The following MOSPD2 variants were observed in gnomAD, a reference collection of about 807,000 sequenced individuals.
MOSPD2 encodes the protein motile sperm domain containing 2, also known as motile sperm domain-containing protein 2.
Under a neutral mutation model 41.7 loss-of-function variants are expected in MOSPD2, and 5 were observed. The observed-to-expected ratio is 0.12, with a 90% CI of 0.06 to 0.25. The LOEUF is 0.25. MOSPD2 is among the 10% of genes least tolerant of loss of function. MOSPD2 has a pLI of 1.00. For synonymous variants in MOSPD2, 115 were observed against 126.9 expected (o/e 0.91, Z 0.63); for missense variants, 282 against 375.2 (o/e 0.75, Z 2.05).
rs748851008 is a variant in MOSPD2 at position 14,895,360 on chromosome X, T to C, written c.288T>C (p.Tyr96=). Residue 96 remains tyrosine (Y), a synonymous_variant, in exon 4 of 15, where the codon TAT becomes TAC. Transcript: ENST00000380492. Reference sequence around the variant, plus strand: ...GGTTATTGGAAATTGGTGTTATTTATCTCCATGGTTATGACAAAGAAGGTA... The same window carrying C: ...GGTTATTGGAAATTGGTGTTATTTACCTCCATGGTTATGACAAAGAAGGTA... ...PRWLLEIGVI[Y]LHGYDKEGNK... is the part of the protein sequence containing the mutation. 9.5e-6 allele frequency: 11 copies of C among 1,156,848 alleles called. No homozygotes were observed. In the Admixed American group the frequency reaches 1.8e-4, roughly 19 times the overall value.
intron 2 of MOSPD2, 64 bp downstream of exon 2, chrX:14,873,822 G>T (rs770175076): frequency 1.8e-4 from 169 of 929,886 alleles, no homozygotes; most frequent in Non-Finnish European, 2.4e-4. Flanking sequence ...TTGCTGGAGT[G>T]TTTGTGAGTG....
chrX:14,912,567 AG>A (rs1335078972), intron 10 of MOSPD2, among the ~76,000 whole-genome samples: 3 of 111,786 alleles, frequency 2.7e-5, no homozygotes, highest in African/African-American at 9.8e-5. Flanking sequence ...GTGTCTTTAA[AG>A]GGTTCTCATC....
At position 14,919,666 on chromosome X, in the gene MOSPD2, C is replaced by G. The variant is rs1294011160; in HGVS notation, c.1420-6C>G. The G allele has an allele frequency of 8.4e-7, 1 of 1,189,511 alleles. No individual in the cohort carries two copies. The highest frequency in any genetic ancestry group is 1.1e-6 in the Non-Finnish European group (1 of 879,102). On this transcript the variant is annotated splice_polypyrimidine_tract_variant and splice_region_variant and intron_variant, in intron 14 of 14. Coordinates refer to ENST00000380492, the MANE Select transcript of MOSPD2 (RefSeq NM_152581.4). ...ATAAATCTTTCATCCCCTCTTCCCTCTTCAGCTCAGTCGTTTACTAGAAAG... is the reference window on the plus strand; with the variant it reads ...ATAAATCTTTCATCCCCTCTTCCCTGTTCAGCTCAGTCGTTTACTAGAAAG...
At chrX:14,899,295 G>A (rs1297605069) in intron 5 of MOSPD2, among the ~76,000 whole-genome samples, 1 of 108,139 alleles carries the variant, frequency 9.2e-6, no homozygotes, top group Non-Finnish European at 1.9e-5. Flanking sequence ...AGTAACTCAC[G>A]ATTTTACGAA....
At chrX:14,910,172 A>G (rs2147500494) in intron 8 of MOSPD2, among the ~76,000 whole-genome samples, 1 of 110,681 alleles carries the variant, frequency 9.0e-6, no homozygotes, top group South Asian at 3.8e-4. Context: ...TAATACATAT[A>G]CATGATTTTT....
intron 2 of MOSPD2, among the ~76,000 whole-genome samples, chrX:14,881,947 G>A (rs1038815559): frequency 9.1e-6 from 1 of 110,160 alleles, no homozygotes; most frequent in African/African-American, 3.3e-5. Flanking sequence ...TCACTCATAG[G>A]TGGGAATTGA....
At chrX:14,880,412 ACCACC>A (rs1270857345) in intron 2 of MOSPD2, among the ~76,000 whole-genome samples, 1 of 111,662 alleles carries the variant, frequency 9.0e-6, no homozygotes, top group Non-Finnish European at 1.9e-5. Flanking sequence ...GTACATAATA[ACCACC>A]TTGAAATATT....
At chrX:14,877,136 G>A (rs1428147321) in intron 2 of MOSPD2, among the ~76,000 whole-genome samples, 1 of 111,555 alleles carries the variant, frequency 9.0e-6, no homozygotes, top group Admixed American at 9.4e-5. Context: ...AGAGAGCCTT[G>A]GGCACCAGAG....
intron 3 of MOSPD2, chrX:14,893,274 A>T (rs1351333974): frequency 8.6e-6 from 1 of 116,185 alleles, no homozygotes; most frequent in African/African-American, 3.2e-5. Context: ...TAATAGGTTA[A>T]TAGGTACGCC....
At chrX:14,916,792 C>A in intron 13 of MOSPD2, among the ~76,000 whole-genome samples, 1 of 111,584 alleles carries the variant, frequency 9.0e-6, no homozygotes, top group East Asian at 2.8e-4. Flanking sequence ...TTTTAGAAAA[C>A]AAATCTAGTG....
Position 14,888,560 on chromosome X carries a change from T to G in MOSPD2, c.80-4163T>G, listed in dbSNP as rs1458425350. ...AGGCCTCCCTAGCCATGTGGAACTGTAAGTCCATTAAACCTCTTTTTCTTT... is the reference window on the plus strand; with the variant it reads ...AGGCCTCCCTAGCCATGTGGAACTGGAAGTCCATTAAACCTCTTTTTCTTT... On this transcript the variant is annotated intron_variant, in intron 2 of 14. Coordinates refer to ENST00000380492, the MANE Select transcript of MOSPD2 (RefSeq NM_152581.4). Among the ~76,000 whole-genome samples, 4 of 111,434 alleles carry G rather than the reference T, an allele frequency of 3.6e-5. No individual in the cohort carries two copies. The Admixed American group carries it at 3.8e-4, about 11-fold the overall frequency.
At chrX:14,895,256 T>C in intron 3 of MOSPD2, 52 bp from the exon 4 acceptor site, 1 of 709,341 alleles carries the variant, frequency 1.4e-6, no homozygotes, top group East Asian at 3.2e-5. Context: ...TTATGAGTTT[T>C]ATTTTTAAAC....
intron 2 of MOSPD2, among the ~76,000 whole-genome samples, chrX:14,882,258 C>G (rs907278713): frequency 3.6e-5 from 4 of 111,164 alleles, no homozygotes; most frequent in African/African-American, 1.3e-4. Context: ...CACATGATCT[C>G]ACATAAATGT....
At chrX:14,895,991 G>A (rs961565244) in intron 4 of MOSPD2, among the ~76,000 whole-genome samples, 4 of 111,180 alleles carry the variant, frequency 3.6e-5, no homozygotes, top group East Asian at 2.8e-4. Flanking sequence ...CATGTGGTCC[G>A]TCTCTGAGCA....
At chrX:14,910,443 A>C (rs898315854) in intron 8 of MOSPD2, among the ~76,000 whole-genome samples, 3 of 111,799 alleles carry the variant, frequency 2.7e-5, no homozygotes, top group African/African-American at 9.8e-5. Context: ...TTTAAACCAA[A>C]ATATTCCACT....
intron 7 of MOSPD2, among the ~76,000 whole-genome samples, chrX:14,906,510 G>A (rs1473659214): frequency 9.1e-6 from 1 of 110,127 alleles, no homozygotes; most frequent in Non-Finnish European, 1.9e-5. Flanking sequence ...AAATCCTTGT[G>A]CTTGGATTGG....
chrX:14,914,371 A>T (rs751342765), intron 10 of MOSPD2, 132 bp from the exon 11 acceptor site: 1 of 414,561 alleles, frequency 2.4e-6, no homozygotes, highest in East Asian at 4.5e-5. Context: ...TTGTTTTGTA[A>T]GTCTTTTTTG....
In MOSPD2 at chrX:14,919,961, T is replaced by G. The variant is rs781365188; in HGVS notation, c.*152T>G. On this transcript the variant is annotated 3_prime_UTR_variant, in exon 15 of 15. Coordinates refer to ENST00000380492, the MANE Select transcript of MOSPD2 (RefSeq NM_152581.4). Reference sequence around the variant, plus strand: ...CGTGGAGGGGAACACATACATGTCTTGAAAATAAACTGCTAGAATAAAGAA... The same window carrying G: ...CGTGGAGGGGAACACATACATGTCTGGAAAATAAACTGCTAGAATAAAGAA... 168 of 1,022,560 alleles carry G rather than the reference T, an allele frequency of 1.6e-4. No homozygotes were observed. The highest frequency in any genetic ancestry group is 2.1e-4 in the Non-Finnish European group (167 of 805,266). 84.3% of individuals were successfully genotyped at this position (1,022,560 alleles called of 1,213,427 possible).
In MOSPD2 at chrX:14,920,922, G is replaced by A. The variant is rs1309857478; in HGVS notation, c.*1113G>A. ...ACAGACGCCCAGGTGTCAGCTCTCC[G>A]TTTAAAGAATGAAAAATGTAACTCA... On this transcript the variant is annotated 3_prime_UTR_variant, in exon 15 of 15. Coordinates refer to ENST00000380492, the MANE Select transcript of MOSPD2 (RefSeq NM_152581.4). The A allele has an allele frequency of 8.0e-6, 6 of 752,244 alleles. No homozygotes were observed. The highest frequency in any genetic ancestry group is 7.6e-4 in the Middle Eastern group (1 of 1,322). The allele number at this position is 752,244 out of a possible 1,213,427, so 62.0% of individuals were successfully genotyped here.
Sources: gnomAD v4.1 joint callset for allele counts (sites outside exome capture counted in the v4.1 genomes callset) on GRCh38, gnomAD v4.1.1 for gene constraint, MANE v1.5 for transcripts, NCBI Gene and HGNC (gene_info 2026-07-23, HGNC 2026-07-21) for gene names.